TG: variants seen among roughly 807,000 people sequenced by gnomAD.
TG encodes the protein thyroglobulin.
A neutral mutation model predicts 324.7 loss-of-function variants in TG; 270 were observed. The observed-to-expected ratio is 0.83, with a 90% CI of 0.75 to 0.92. The LOEUF is 0.92. TG is among the 40% of genes least tolerant of loss of function. The pLI is 0.00. For synonymous variants in TG, 1,401 were observed against 1,327.0 expected (o/e 1.06, Z -1.21); for missense variants, 3,591 against 3,456.4 (o/e 1.04, Z -0.98).
intron 41 of TG, among the ~76,000 whole-genome samples, chr8:133,094,383 G>A (rs1384943150): frequency 9.9e-5 from 15 of 151,838 alleles, no homozygotes; most frequent in Admixed American, 7.9e-4. Flanking sequence ...AGGGACTACA[G>A]GCGCCCGTCA....
At chr8:133,012,693 A>G (rs1834629426) in intron 36 of TG, among the ~76,000 whole-genome samples, 1 of 152,222 alleles carries the variant, frequency 6.6e-6, no homozygotes, top group African/African-American at 2.4e-5. Context: ...CTTCTCTGCA[A>G]GGTTGGATAA....
Position 133,021,351 on chromosome 8 carries a change from C to T in TG, c.6877-640C>T, listed in dbSNP as rs560561299. Among the ~76,000 whole-genome samples, 5 of 152,282 alleles carry T rather than the reference C, an allele frequency of 3.3e-5. 1 individual carries two copies. Among genetic ancestry groups the T allele is most frequent in the African/African-American group, 1.2e-4 (5 of 41,546 alleles). On this transcript the variant is annotated intron_variant, in intron 39 of 47. Coordinates refer to ENST00000220616, the MANE Select transcript of TG (RefSeq NM_003235.5). ...CCCAGAATGCTTTTTTGGAATAAAC[C>T]ATGGGCCAGAACTGGGAGCTGGAAG... is the stretch of plus-strand genomic sequence containing the variant.
intron 41 of TG, among the ~76,000 whole-genome samples, chr8:133,075,414 A>G (rs1844714272): frequency 6.6e-6 from 1 of 152,220 alleles, no homozygotes; most frequent in African/African-American, 2.4e-5. Context: ...AAAGGAGACT[A>G]AAGAGACACA....
At chr8:133,104,152 G>A (rs1252876945) in intron 43 of TG, among the ~76,000 whole-genome samples, 5 of 152,194 alleles carry the variant, frequency 3.3e-5, no homozygotes, top group African/African-American at 1.2e-4. Context: ...GTCACAGGGA[G>A]GTCAGTGCTA....
intron 23 of TG, among the ~76,000 whole-genome samples, chr8:132,930,828 G>A (rs1330334959): frequency 1.3e-5 from 2 of 152,186 alleles, no homozygotes; most frequent in Non-Finnish European, 2.9e-5. Context: ...TGAGTTCAGT[G>A]TCTAAAATAT....
At chr8:132,984,008 T>G (rs921019637) in intron 35 of TG, among the ~76,000 whole-genome samples, 20 of 152,152 alleles carry the variant, frequency 1.3e-4, no homozygotes, top group African/African-American at 4.8e-4. Flanking sequence ...AGAGGTTGGG[T>G]GCAGTAGAGA....
At chr8:132,964,970 A>G (rs1311994082) in intron 29 of TG, 1 of 701,262 alleles carries the variant, frequency 1.4e-6, no homozygotes, top group Admixed American at 2.0e-5. Flanking sequence ...TAAGGGGAAC[A>G]CCTGTGCCAA....
At chr8:133,109,804 T>G (rs1850117812) in intron 43 of TG, among the ~76,000 whole-genome samples, 1 of 152,186 alleles carries the variant, frequency 6.6e-6, no homozygotes, top group Non-Finnish European at 1.5e-5. Flanking sequence ...TCAGGCAGCA[T>G]CATTCTCACC....
In TG at chr8:133,110,046, G is replaced by T. The variant is rs576711532; in HGVS notation, c.7573-3376G>T. Among the ~76,000 whole-genome samples the T allele has an allele frequency of 2.6e-5, 4 of 152,240 alleles. No individual in the cohort carries two copies. In the South Asian group the frequency reaches 8.3e-4, roughly 32 times the overall value. The stretch of plus-strand genomic sequence containing the variant: ...GGTGCTGGGACTTGGAGATCCTGGT[G>T]CCCAGACCTCAGTATAGCTCCCTCA... On this transcript the variant is annotated intron_variant, in intron 43 of 47. Coordinates refer to ENST00000220616, the MANE Select transcript of TG (RefSeq NM_003235.5).
At chr8:132,874,786 T>A (rs1839808864) in intron 5 of TG, among the ~76,000 whole-genome samples, 1 of 152,174 alleles carries the variant, frequency 6.6e-6, no homozygotes, top group African/African-American at 2.4e-5. Flanking sequence ...AACACACAAT[T>A]CTGAATTTCT....
chr8:133,016,657 G>A (rs1270067397), intron 37 of TG, among the ~76,000 whole-genome samples: 1 of 152,190 alleles, frequency 6.6e-6, no homozygotes, highest in Non-Finnish European at 1.5e-5. Flanking sequence ...AAATCTACGT[G>A]TCAGAAATAA....
chr8:133,047,727 A>G (rs759689405), intron 41 of TG: 1 of 764,860 alleles, frequency 1.3e-6, no homozygotes, highest in Non-Finnish European at 2.4e-6. Flanking sequence ...ATCAATTTGC[A>G]TGGACGTAGG....
chr8:132,888,703 G>A, intron 10 of TG, 135 bp downstream of exon 10: 1 of 987,148 alleles, frequency 1.0e-6, no homozygotes, highest in Non-Finnish European at 1.4e-6. Context: ...AGAGATGGCT[G>A]AGAAAACGAA....
At chr8:132,945,647 A>G (rs1203825442) in intron 26 of TG, among the ~76,000 whole-genome samples, 1 of 152,182 alleles carries the variant, frequency 6.6e-6, no homozygotes, top group African/African-American at 2.4e-5. Flanking sequence ...AGGAGGGTGC[A>G]GAATGAGGAG....
At position 133,029,956 on chromosome 8, in the gene TG, T is replaced by G; in HGVS notation, c.7172T>G (p.Val2391Gly). 1 of 1,614,146 alleles carries G rather than the reference T, an allele frequency of 6.2e-7. No homozygotes were observed. Among genetic ancestry groups the G allele is most frequent in the South Asian group, 1.1e-5 (1 of 91,082 alleles). Residue 2391 changes from valine (V) to glycine (G), a missense_variant, in exon 41 of 48, where the codon GTG (valine) becomes GGG (glycine). Coordinates refer to ENST00000220616, the MANE Select transcript of TG (RefSeq NM_003235.5). Reference sequence around the variant, plus strand: ...GCAGCAGACCGTGGCGGGGCTGATGTGGCCAGCATCCACCTTCTCACGGCC... The same window carrying G: ...GCAGCAGACCGTGGCGGGGCTGATGGGGCCAGCATCCACCTTCTCACGGCC... ...SLAADRGGAD[V>G]ASIHLLTARA...
At chr8:132,995,156 C>T (rs1832750459) in intron 35 of TG, 22 of 966,080 alleles carry the variant, frequency 2.3e-5, no homozygotes, top group Non-Finnish European at 2.7e-5. Flanking sequence ...TCTATTCCTA[C>T]TCTATGAATA....
intron 35 of TG, among the ~76,000 whole-genome samples, chr8:132,996,775 G>A (rs1406227861): frequency 6.6e-6 from 1 of 152,164 alleles, no homozygotes; most frequent in African/African-American, 2.4e-5. Flanking sequence ...GATTATCTGA[G>A]TTGGGTTTTA....
intron 25 of TG, among the ~76,000 whole-genome samples, chr8:132,938,187 G>A (rs113209975): frequency 7.0e-4 from 107 of 152,282 alleles, no homozygotes; most frequent in African/African-American, 2.4e-3. Flanking sequence ...TCTTCAGCTC[G>A]CAGTAGGTAG....
intron 22 of TG, among the ~76,000 whole-genome samples, chr8:132,926,579 T>C (rs1821898067): frequency 6.6e-6 from 1 of 152,196 alleles, no homozygotes. Flanking sequence ...TCTAGTTGTC[T>C]GGGATTCTTT....
Sources: gnomAD v4.1 joint callset for allele counts (sites outside exome capture counted in the v4.1 genomes callset) on GRCh38, gnomAD v4.1.1 for gene constraint, MANE v1.5 for transcripts, NCBI Gene and HGNC (gene_info 2026-07-23, HGNC 2026-07-21) for gene names.